The following HS6ST1 variants were observed in gnomAD, a reference collection of about 807,000 sequenced individuals.
The protein encoded by HS6ST1 is heparan-sulfate 6-O-sulfotransferase 1.
In HS6ST1, 3 loss-of-function variants were observed where a neutral mutation model predicts 25.2. The observed-to-expected ratio is 0.12, with a 90% confidence interval of 0.05 to 0.31. The LOEUF is 0.31. Ranked by LOEUF, HS6ST1 falls within the 10% of genes least tolerant of loss-of-function variation. The probability of loss-of-function intolerance (pLI) is 1.00; values close to 1 mark genes in which losing one functional copy is unlikely to be tolerated. For missense variants in HS6ST1, 310 were observed against 609.6 expected (o/e 0.51, Z 5.18); for synonymous variants, 204 against 275.1 (o/e 0.74, Z 2.56).
intron 1 of HS6ST1, among the ~76,000 whole-genome samples, chr2:128,274,073 C>T (rs1693655044): frequency 6.6e-6 from 1 of 152,164 alleles, no homozygotes; most frequent in African/African-American, 2.4e-5. Context: ...CCTGGGACCC[C>T]ACAAAGCAGG....
At chr2:128,315,918 C>T (rs1391930034) in intron 1 of HS6ST1, among the ~76,000 whole-genome samples, 1 of 152,236 alleles carries the variant, frequency 6.6e-6, no homozygotes, top group Non-Finnish European at 1.5e-5. Flanking sequence ...TGTCACCTGC[C>T]CGGTAGCACA....
chr2:128,301,877 C>T (rs1292866859), intron 1 of HS6ST1, among the ~76,000 whole-genome samples: 1 of 152,206 alleles, frequency 6.6e-6, no homozygotes, highest in Non-Finnish European at 1.5e-5. Context: ...GGCATCACGG[C>T]TGCCAGACAG....
At chr2:128,286,275 G>A (rs1033903375) in intron 1 of HS6ST1, among the ~76,000 whole-genome samples, 1 of 152,218 alleles carries the variant, frequency 6.6e-6, no homozygotes, top group Non-Finnish European at 1.5e-5. Context: ...GGAATCTATC[G>A]TGGCCGAGGT....
rs891714099 is a variant in HS6ST1, at chr2:128,281,506, C to T, written c.528-12636G>A. 2.6e-5 allele frequency among the ~76,000 whole-genome samples: 4 copies of T among 152,346 alleles called. No individual in the cohort carries two copies. In the East Asian group the frequency reaches 7.7e-4, roughly 29 times the overall value. On this transcript the variant is annotated intron_variant, in intron 1 of 1. Transcript: ENST00000259241. ...CCTTCTTTGCCCTGTTTTCCTGCTG[C>T]TGACCGGAAAGCGGATGTGACCGCG...
chr2:128,288,590 C>A (rs115139990), intron 1 of HS6ST1, among the ~76,000 whole-genome samples: 2 of 152,178 alleles, frequency 1.3e-5, no homozygotes, highest in Non-Finnish European at 2.9e-5. Flanking sequence ...ATGCAACCCG[C>A]GCCAGGTGCC....
chr2:128,270,795 A>G (rs34974086), intron 1 of HS6ST1, among the ~76,000 whole-genome samples: 16,520 of 152,228 alleles, frequency 0.11, 1,198 homozygotes, highest in Non-Finnish European at 0.15. Context: ...CCACAGTGTG[A>G]TGTGTCCACC....
chr2:128,268,265 C>A lies in HS6ST1; in HGVS notation c.1133G>T (p.Arg378Leu). 6.2e-7 allele frequency: 1 copy of A among 1,611,996 alleles called. No homozygotes were observed. Among genetic ancestry groups the A allele is most frequent in the South Asian group, 1.1e-5 (1 of 91,020 alleles). ...REQRLRSREE[R>L]LLHRAKEALP... ...TGCCTCCTTGGCCCGGTGCAGCAGACGCTCCTCGCGGCTCCTCAGGCGCTG... is the reference window on the plus strand; with the variant it reads ...TGCCTCCTTGGCCCGGTGCAGCAGAAGCTCCTCGCGGCTCCTCAGGCGCTG... The change falls in exon 2 of 2, where the codon CGT (arginine) becomes CTT (leucine). Residue 378 changes from arginine to leucine, a missense_variant. By Grantham distance (102) the Arg-to-Leu change is moderately radical. Around this residue, in one of 5 missense-constraint regions of HS6ST1, gnomAD observed 140 missense variants for 176.5 expected, o/e 0.79. Coordinates refer to ENST00000259241, the MANE Select transcript of HS6ST1 (RefSeq NM_004807.3).
rs149648380 is a variant in HS6ST1 at position 128,291,904 on chromosome 2, G to A, written c.528-23034C>T. Among the ~76,000 whole-genome samples the A allele has an allele frequency of 5.0e-3, 756 of 152,254 alleles. 3 individuals carry two copies. Among genetic ancestry groups the A allele is most frequent in the Non-Finnish European group, 7.9e-3 (539 of 68,014 alleles). ...GTGCTTCTTGCCCTCCATTCCTTCC[G>A]TCCAACACCCTCCCTGCTCAGGGCT... On this transcript the variant is annotated intron_variant, in intron 1 of 1. Coordinates refer to ENST00000259241, the MANE Select transcript of HS6ST1 (RefSeq NM_004807.3).
At chr2:128,281,037 C>A (rs1225988188) in intron 1 of HS6ST1, among the ~76,000 whole-genome samples, 1 of 152,258 alleles carries the variant, frequency 6.6e-6, no homozygotes, top group Non-Finnish European at 1.5e-5. Flanking sequence ...GCCAAGGCTA[C>A]TCACCCCCTC....
At chr2:128,274,398 A>T (rs758857643) in intron 1 of HS6ST1, among the ~76,000 whole-genome samples, 3 of 152,226 alleles carry the variant, frequency 2.0e-5, no homozygotes, top group Non-Finnish European at 4.4e-5. Context: ...AAAAGGCAGA[A>T]GGAAAATGAC....
At chr2:128,303,652 T>C (rs1694167545) in intron 1 of HS6ST1, among the ~76,000 whole-genome samples, 1 of 152,102 alleles carries the variant, frequency 6.6e-6, no homozygotes, top group Non-Finnish European at 1.5e-5. Flanking sequence ...CTTCATGACA[T>C]CCAGGCTGCC....
chr2:128,272,116 T>C (rs530645628), intron 1 of HS6ST1, among the ~76,000 whole-genome samples: 83 of 152,136 alleles, frequency 5.5e-4, no homozygotes, highest in Non-Finnish European at 1.0e-3. Context: ...GCAGCGACGT[T>C]TCTGAATGAC....
In HS6ST1 at chr2:128,318,541, C is replaced by T; in HGVS notation, c.23G>A (p.Gly8Asp). Residue 8 changes from glycine (G) to aspartate (D), a missense_variant, in exon 1 of 2, where the codon GGC (glycine) becomes GAC (aspartate). By Grantham distance (94) the Gly-to-Asp change is moderately conservative. This residue lies in a region of HS6ST1 where 63 missense variants were observed against 105.4 expected (regional missense o/e 0.60). Transcript: ENST00000259241. This position sits in a 1 kb window ranked among gnomAD's most constrained non-coding sequence, Gnocchi z 5.7. ...GCTGGCGCGCTCAACCATGGTCCTG[C>T]CGCCGGCGCGCCGCCGCCGCATGTG... MRRRRAG[G>D]RTMVERASKF... The T allele has an allele frequency of 6.7e-7, 1 of 1,496,262 alleles. No homozygotes were observed. The highest frequency in any genetic ancestry group is 8.8e-7 in the Non-Finnish European group (1 of 1,130,590). 92.7% of individuals were successfully genotyped at this position (1,496,262 alleles called of 1,614,324 possible). A position where few individuals can be genotyped will look rare whatever the true frequency, so the allele number is the denominator to read the frequency against.
At chr2:128,281,774 C>T (rs568556565) in intron 1 of HS6ST1, among the ~76,000 whole-genome samples, 14 of 152,106 alleles carry the variant, frequency 9.2e-5, no homozygotes, top group African/African-American at 2.9e-4. Flanking sequence ...GGCTCCCGGG[C>T]GGGGCCAGGA....
chr2:128,284,767 C>T (rs921783922), intron 1 of HS6ST1, among the ~76,000 whole-genome samples: 4 of 152,284 alleles, frequency 2.6e-5, no homozygotes, highest in East Asian at 3.9e-4. Flanking sequence ...GGATTACAGG[C>T]GTGAGCCACT....
chr2:128,285,088 G>A (rs1693840696), intron 1 of HS6ST1, among the ~76,000 whole-genome samples: 1 of 152,236 alleles, frequency 6.6e-6, no homozygotes, highest in Non-Finnish European at 1.5e-5. Flanking sequence ...AACACACGCT[G>A]ATGGAGTGCC....
chr2:128,307,418 G>C (rs1694229684), intron 1 of HS6ST1, among the ~76,000 whole-genome samples: 2 of 152,324 alleles, frequency 1.3e-5, no homozygotes, highest in South Asian at 4.1e-4. Context: ...TGGAAGATGG[G>C]ATGTACCTGG....
intron 1 of HS6ST1, among the ~76,000 whole-genome samples, chr2:128,300,907 CTG>C (rs1187202951): frequency 6.6e-6 from 1 of 152,248 alleles, no homozygotes; most frequent in African/African-American, 2.4e-5. Context: ...CCACCGTGTG[CTG>C]TGTGTGGTGG....
chr2:128,281,830 T>C (rs1408257074), intron 1 of HS6ST1, among the ~76,000 whole-genome samples: 1 of 152,234 alleles, frequency 6.6e-6, no homozygotes, highest in Non-Finnish European at 1.5e-5. Context: ...ATTATTAATT[T>C]ACTGAACTCC....
Sources: gnomAD v4.1 joint callset for allele counts (sites outside exome capture counted in the v4.1 genomes callset) on GRCh38, gnomAD v4.1.1 for gene constraint, gnomAD v4.1.1 regional missense constraint, Gnocchi (gnomAD v3.1) non-coding constraint, MANE v1.5 for transcripts, NCBI Gene and HGNC (gene_info 2026-07-23, HGNC 2026-07-21) for gene names.